PLCB4: variants seen among roughly 807,000 people sequenced by gnomAD.
PLCB4 encodes the protein 1-phosphatidylinositol 4,5-bisphosphate phosphodiesterase beta-4.
In PLCB4, 77 loss-of-function variants were observed where a neutral mutation model predicts 178.8. The ratio of observed to expected loss-of-function variants is 0.43; its 90% CI spans 0.36 to 0.52. The LOEUF is 0.52. Ranked by LOEUF, PLCB4 falls within the 20% of genes least tolerant of loss-of-function variation. The probability of loss-of-function intolerance (pLI) is 0.00; values close to 1 mark genes in which losing one functional copy is unlikely to be tolerated. For missense variants in PLCB4, 1,024 were observed against 1,453.4 expected (o/e 0.70, Z 4.80); for synonymous variants, 496 against 490.8 (o/e 1.01, Z -0.14).
At chr20:9,471,352 A>G (rs2044177536) in intron 36 of PLCB4, among the ~76,000 whole-genome samples, 1 of 152,220 alleles carries the variant, frequency 6.6e-6, no homozygotes, top group African/African-American at 2.4e-5. Flanking sequence ...TCAGAAAAAC[A>G]AAAGCTTATT....
At chr20:9,306,370 C>A (rs2094766516) in intron 3 of PLCB4, among the ~76,000 whole-genome samples, 1 of 151,586 alleles carries the variant, frequency 6.6e-6, no homozygotes, top group Non-Finnish European at 1.5e-5. Context: ...CCCACCCCGG[C>A]CTCTCAAAAT....
rs533424819 is a variant in PLCB4 at position 9,440,551 on chromosome 20, A to T, written c.2764+3399A>T. ...AACCATCTGTATGTCAGGTTCCTTG[A>T]TGAGTCCTAGACTTAGAACTGGCAT... On this transcript the variant is annotated intron_variant, in intron 30 of 39. Transcript: ENST00000378473. Among the ~76,000 whole-genome samples the T allele has an allele frequency of 3.9e-5, 6 of 152,318 alleles. No individual in the cohort carries two copies. In the East Asian group the frequency reaches 1.2e-3, roughly 29 times the overall value.
chr20:9,288,694 A>G (rs1040552599), intron 3 of PLCB4, among the ~76,000 whole-genome samples: 4 of 151,934 alleles, frequency 2.6e-5, no homozygotes, highest in Non-Finnish European at 4.4e-5. Flanking sequence ...AGGTGGAGGG[A>G]TGGCCACATG....
rs765476144 is a variant in PLCB4, at chr20:9,307,863, T to C, written c.49T>C (p.Leu17=). Residue 17 remains leucine (L), a synonymous_variant, in exon 4 of 40, where the codon TTG becomes CTG. Coordinates refer to ENST00000378473, the MANE Select transcript of PLCB4 (RefSeq NM_001377142.1). ...FNWQKEVPSF[L]QEGAVFDRYE... ...CTGGCAGAAGGAAGTTCCCTCCTTTTTGCAAGAAGGAGCAGTTTTTGACAG... is the reference window on the plus strand; with the variant it reads ...CTGGCAGAAGGAAGTTCCCTCCTTTCTGCAAGAAGGAGCAGTTTTTGACAG... The C allele has an allele frequency of 6.3e-7, 1 of 1,598,186 alleles. No individual in the cohort carries two copies. Among genetic ancestry groups the C allele is most frequent in the Admixed American group, 1.7e-5 (1 of 59,694 alleles).
chr20:9,441,158 G>T (rs1307998472), intron 30 of PLCB4, among the ~76,000 whole-genome samples: 1 of 152,204 alleles, frequency 6.6e-6, no homozygotes, highest in Non-Finnish European at 1.5e-5. Flanking sequence ...CAGATATGAA[G>T]TTCATGGGGC....
intron 20 of PLCB4, among the ~76,000 whole-genome samples, chr20:9,401,978 T>C (rs1705627762): frequency 6.6e-6 from 1 of 152,206 alleles, no homozygotes; most frequent in Non-Finnish European, 1.5e-5. Flanking sequence ...GTCCTGCTAA[T>C]TATATACCTT....
chr20:9,287,801 A>G (rs1462324196), intron 3 of PLCB4, among the ~76,000 whole-genome samples: 1 of 152,120 alleles, frequency 6.6e-6, no homozygotes, highest in African/African-American at 2.4e-5. Flanking sequence ...GAAAGAGAAT[A>G]TGCATGATTT....
Position 9,468,671 on chromosome 20 carries a change from A to C in PLCB4, c.3349A>C (p.Arg1117=). 1 of 1,572,700 alleles carries C rather than the reference A, an allele frequency of 6.4e-7. No individual in the cohort carries two copies. The highest frequency in any genetic ancestry group is 8.8e-7 in the Non-Finnish European group (1 of 1,142,644). The change falls in exon 36 of 40, where the codon AGG becomes CGG. Residue 1117 remains arginine (R), a splice_region_variant and synonymous_variant. Transcript: ENST00000378473. ...TATCAAGAATAAAGCAGAACGGGAA[A>C]GGTAAGTCTGAGAGTGTTCACTGCA... ...KSIKNKAERE[R]RVRELNSSNT...
intron 2 of PLCB4, among the ~76,000 whole-genome samples, chr20:9,178,723 A>G (rs1019755362): frequency 4.6e-5 from 7 of 152,132 alleles, no homozygotes; most frequent in African/African-American, 1.4e-4. Flanking sequence ...AATTCAAAGT[A>G]AATTTAAACT....
intron 19 of PLCB4, among the ~76,000 whole-genome samples, chr20:9,398,466 C>G (rs562479715): frequency 3.9e-5 from 6 of 152,106 alleles, no homozygotes; most frequent in Non-Finnish European, 8.8e-5. Flanking sequence ...AAAAAGATGA[C>G]TATTCAGTAA....
intron 32 of PLCB4, among the ~76,000 whole-genome samples, chr20:9,444,868 T>C (rs773114106): frequency 6.6e-6 from 1 of 152,148 alleles, no homozygotes; most frequent in Non-Finnish European, 1.5e-5. Context: ...CACTGTCACA[T>C]AGTTTGCCAT....
chr20:9,164,122 A>G (rs968212997), intron 2 of PLCB4, among the ~76,000 whole-genome samples: 3 of 152,140 alleles, frequency 2.0e-5, no homozygotes, highest in Admixed American at 1.3e-4. Flanking sequence ...TTACCAATTA[A>G]TTTTTAAAAC....
Position 9,411,025 on chromosome 20 carries a change from G to A in PLCB4, c.2000-12G>A. The stretch of plus-strand genomic sequence containing the variant: ...GAAGACAAGATGCTAAATTATTTTT[G>A]TCTCTTGACAGATTTAGCGATGCAA... On this transcript the variant is annotated splice_polypyrimidine_tract_variant and intron_variant, in intron 24 of 39. Transcript: ENST00000378473. The A allele has an allele frequency of 6.2e-7, 1 of 1,602,804 alleles. No individual in the cohort carries two copies. Among genetic ancestry groups the A allele is most frequent in the Non-Finnish European group, 8.5e-7 (1 of 1,170,150 alleles).
chr20:9,242,655 C>T (rs1482495959), intron 3 of PLCB4, among the ~76,000 whole-genome samples: 2 of 152,222 alleles, frequency 1.3e-5, no homozygotes, highest in African/African-American at 4.8e-5. Flanking sequence ...GGCTGTTTAG[C>T]TGGGGATTTT....
At chr20:9,307,682 A>T in intron 3 of PLCB4, 118 bp from the exon 4 acceptor site, 1 of 497,928 alleles carries the variant, frequency 2.0e-6, no homozygotes, top group Non-Finnish European at 3.5e-6. Context: ...AAGAAGAAAA[A>T]AACGTATTCC....
chr20:9,361,043 C>T (rs2035280878), intron 7 of PLCB4, among the ~76,000 whole-genome samples: 1 of 152,146 alleles, frequency 6.6e-6, no homozygotes, highest in South Asian at 2.1e-4. Flanking sequence ...CAAAAGGGTT[C>T]CCTTGTTGCA....
intron 2 of PLCB4, among the ~76,000 whole-genome samples, chr20:9,126,303 T>A (rs1436876529): frequency 6.6e-6 from 1 of 152,202 alleles, no homozygotes; most frequent in East Asian, 1.9e-4. Context: ...TTTTTACACA[T>A]CCCTAGAATA....
intron 2 of PLCB4, among the ~76,000 whole-genome samples, chr20:9,122,952 G>A (rs906158481): frequency 5.9e-5 from 9 of 152,110 alleles, no homozygotes; most frequent in African/African-American, 2.2e-4. Flanking sequence ...TCTGTTCTCT[G>A]AAAGATTTTA....
chr20:9,332,880 T>C (rs1016971319), intron 4 of PLCB4, among the ~76,000 whole-genome samples: 1 of 152,204 alleles, frequency 6.6e-6, no homozygotes, highest in Non-Finnish European at 1.5e-5. Flanking sequence ...TTCTTCACAG[T>C]GTCAAACAGT....
Sources: gnomAD v4.1 joint callset for allele counts (sites outside exome capture counted in the v4.1 genomes callset) on GRCh38, gnomAD v4.1.1 for gene constraint, MANE v1.5 for transcripts, NCBI Gene and HGNC (gene_info 2026-07-23, HGNC 2026-07-21) for gene names.